The following KNOP1 variants were observed in gnomAD, a reference collection of about 807,000 sequenced individuals.
KNOP1 encodes the protein lysine-rich nucleolar protein 1.
Under a neutral mutation model 30.6 loss-of-function variants are expected in KNOP1, and 20 were observed. The observed-to-expected ratio is 0.65, with a 90% CI of 0.46 to 0.95. The LOEUF (loss-of-function observed/expected upper bound fraction) is 0.95, where lower values mean the gene tolerates loss of function less well. KNOP1 is among the 40% of genes least tolerant of loss of function. The pLI, the probability that KNOP1 is intolerant of heterozygous loss-of-function variation, is 0.00. For synonymous variants in KNOP1, 204 were observed against 210.0 expected (o/e 0.97, Z 0.25); for missense variants, 540 against 562.0 (o/e 0.96, Z 0.40).
Position 19,706,234 on chromosome 16 carries a change from C to G in KNOP1, c.*676G>C, listed in dbSNP as rs891822567. 2.6e-5 allele frequency: 4 copies of G among 152,618 alleles called. No homozygotes were observed. Among genetic ancestry groups the G allele is most frequent in the African/African-American group, 9.7e-5 (4 of 41,442 alleles). The allele number at this position is 152,618 out of a possible 1,614,324, so 9.5% of individuals were successfully genotyped here. The stretch of plus-strand genomic sequence containing the variant: ...CAGACTTGTCATAAAACTTTTTCCT[C>G]CATCTAAAGACATTTCAATCCCCAA... On this transcript the variant is annotated 3_prime_UTR_variant, in exon 5 of 5. Transcript: ENST00000219837.
intron 3 of KNOP1, 46 bp downstream of exon 3, chr16:19,711,326 G>A (rs1413067326): frequency 1.3e-6 from 2 of 1,586,904 alleles, no homozygotes; most frequent in Non-Finnish European, 8.6e-7. Context: ...GACTCCAAGG[G>A]TGGCAGGAGG....
intron 1 of KNOP1, chr16:19,717,513 G>A: frequency 2.0e-6 from 2 of 985,420 alleles, no homozygotes; most frequent in South Asian, 4.7e-5. Flanking sequence ...TCCACCGGGA[G>A]GTTGCGGGTC....
At position 19,714,163 on chromosome 16, in the gene KNOP1, CTTT is replaced by C. The variant is rs1403963557; in HGVS notation, c.870_872del (p.Lys293del). ...CTACCCCACTCTCTTTCCTCTTCTT[CTTT>C]TTCTTCCTTTTCAGAGCTGGCTCCT... On this transcript the variant is annotated inframe_deletion, in exon 2 of 5. Coordinates refer to ENST00000219837, the MANE Select transcript of KNOP1 (RefSeq NM_001012991.3). The C allele has an allele frequency of 2.0e-5, 33 of 1,613,346 alleles. No individual in the cohort carries two copies. Among genetic ancestry groups the C allele is most frequent in the Middle Eastern group, 1.6e-4 (1 of 6,078 alleles).
intron 4 of KNOP1, among the ~76,000 whole-genome samples, chr16:19,708,642 C>T (rs547634881): frequency 3.3e-5 from 5 of 152,180 alleles, no homozygotes; most frequent in South Asian, 2.1e-4. Context: ...GGGAACTTCC[C>T]GCCCACAAGC....
At position 19,705,096 on chromosome 16, in the gene KNOP1, C is replaced by T; in HGVS notation, c.*1814G>A. 2.2e-6 allele frequency: 1 copy of T among 444,590 alleles called. No homozygotes were observed. The highest frequency in any genetic ancestry group is 1.6e-5 in the South Asian group (1 of 63,012). 27.5% of individuals were successfully genotyped at this position (444,590 alleles called of 1,614,324 possible). Reference sequence around the variant, plus strand: ...TTCCTTGAGACACAAAAAGGCTTTTCTTCCTCTGGAATGTTCTAGGGTCTT... The same window carrying T: ...TTCCTTGAGACACAAAAAGGCTTTTTTTCCTCTGGAATGTTCTAGGGTCTT... On this transcript the variant is annotated 3_prime_UTR_variant, in exon 5 of 5. Transcript: ENST00000219837.
chr16:19,710,409 A>T, intron 4 of KNOP1, 100 bp downstream of exon 4: 1 of 1,173,152 alleles, frequency 8.5e-7, no homozygotes, highest in African/African-American at 1.5e-5. Context: ...GGGCCTGGAC[A>T]TACTTGGTTC....
At position 19,703,494 on chromosome 16, in the gene KNOP1, T is replaced by TA. The variant is rs1229661296; in HGVS notation, c.*3415_*3416insT. 30 of 152,160 alleles carry TA rather than the reference T, an allele frequency of 2.0e-4. No individual in the cohort carries two copies. The highest frequency in any genetic ancestry group is 1.8e-3 in the Admixed American group (27 of 15,274). 9.4% of individuals were successfully genotyped at this position (152,160 alleles called of 1,614,324 possible). On this transcript the variant is annotated 3_prime_UTR_variant, in exon 5 of 5. Coordinates refer to ENST00000219837, the MANE Select transcript of KNOP1 (RefSeq NM_001012991.3). Reference sequence around the variant, plus strand: ...CGTAACCTAACAAATACACAGGTTCTGAGGAGATGTGGTAGGAAGGGGTGT... The same window carrying TA: ...CGTAACCTAACAAATACACAGGTTCTAGAGGAGATGTGGTAGGAAGGGGTGT...
At position 19,718,214 on chromosome 16, in the gene KNOP1, G is replaced by C; in HGVS notation, c.-59C>G. The C allele has an allele frequency of 6.5e-7, 1 of 1,529,258 alleles. No individual in the cohort carries two copies. Among genetic ancestry groups the C allele is most frequent in the Non-Finnish European group, 8.8e-7 (1 of 1,141,246 alleles). The allele number at this position is 1,529,258 out of a possible 1,614,324, so 94.7% of individuals were successfully genotyped here. Reference sequence around the variant, plus strand: ...GAGCCAGCTCCGCCGTGACCCGGAAGTCCACTTCGAGTCGCCGGCCCACCC... The same window carrying C: ...GAGCCAGCTCCGCCGTGACCCGGAACTCCACTTCGAGTCGCCGGCCCACCC... On this transcript the variant is annotated 5_prime_UTR_variant, in exon 1 of 5. Transcript: ENST00000219837.
Position 19,714,990 on chromosome 16 carries a change from TC to T in KNOP1, c.45del (p.Lys17ArgfsTer16). 2 of 1,589,334 alleles carry T rather than the reference TC, an allele frequency of 1.3e-6. No homozygotes were observed. Among genetic ancestry groups the T allele is most frequent in the Non-Finnish European group, 1.7e-6 (2 of 1,172,500 alleles). On this transcript the variant is annotated frameshift_variant, in exon 2 of 5. Coordinates refer to ENST00000219837, the MANE Select transcript of KNOP1 (RefSeq NM_001012991.3). LOFTEE classifies it high-confidence loss of function. ...THKVDLGLPE[K>X]KKKKKVVKEP... is the part of the protein sequence containing the mutation. ...TCTTTGACCACTTTCTTCTTCTTTT[TC>T]TTCTCTGGGAGCCCAAGGTCTACTT...
Position 19,706,836 on chromosome 16 carries a change from A to T in KNOP1, c.*74T>A, listed in dbSNP as rs1039974827. 2.0e-6 allele frequency: 3 copies of T among 1,525,414 alleles called. No individual in the cohort carries two copies. Among genetic ancestry groups the T allele is most frequent in the Non-Finnish European group, 2.7e-6 (3 of 1,125,448 alleles). The allele number at this position is 1,525,414 out of a possible 1,614,324, so 94.5% of individuals were successfully genotyped here. A position where few individuals can be genotyped will look rare whatever the true frequency, so the allele number is the denominator to read the frequency against. ...CCAAGATCTGATTTTTTCACAAAAA[A>T]AATTTGTAATCTCCAGCATAAATGG... On this transcript the variant is annotated 3_prime_UTR_variant, in exon 5 of 5. Transcript: ENST00000219837.
Position 19,707,074 on chromosome 16 carries a change from C to T in KNOP1, c.1213G>A (p.Gly405Ser), listed in dbSNP as rs775965613. 72 of 1,614,052 alleles carry T rather than the reference C, an allele frequency of 4.5e-5. No individual in the cohort carries two copies. Among genetic ancestry groups the T allele is most frequent in the Non-Finnish European group, 5.8e-5 (68 of 1,180,038 alleles). ...TGCAGGCTGTCAGCCGCCTTCTTGCCGAGGGCCATGTTGGGCCTTGCAATC... is the reference window on the plus strand; with the variant it reads ...TGCAGGCTGTCAGCCGCCTTCTTGCTGAGGGCCATGTTGGGCCTTGCAATC... The part of the protein sequence containing the change: ...STIARPNMAL[G>S]KKAADSLQQN... The change falls in exon 5 of 5, where the codon GGC (glycine) becomes AGC (serine). Residue 405 changes from glycine (G) to serine (S), a missense_variant. Coordinates refer to ENST00000219837, the MANE Select transcript of KNOP1 (RefSeq NM_001012991.3).
intron 2 of KNOP1, among the ~76,000 whole-genome samples, chr16:19,713,871 A>G (rs1405885238): frequency 6.6e-6 from 1 of 152,122 alleles, no homozygotes; most frequent in Non-Finnish European, 1.5e-5. Flanking sequence ...AGCAAAGGAT[A>G]CCTGCAATTA....
rs752573375 is a variant in KNOP1, at chr16:19,707,120, C to G, written c.1167G>C (p.Ser389=). The change falls in exon 5 of 5, where the codon TCG becomes TCC. Residue 389 remains serine, a synonymous_variant. Coordinates refer to ENST00000219837, the MANE Select transcript of KNOP1 (RefSeq NM_001012991.3). ...CAATCGTGCTGGCGGGGCGGCTGAACGAAGGGGACAGGTTTTTGAAGCCAC... is the reference window on the plus strand; with the variant it reads ...CAATCGTGCTGGCGGGGCGGCTGAAGGAAGGGGACAGGTTTTTGAAGCCAC... ...LMGGFKNLSP[S]FSRPASTIAR... The G allele has an allele frequency of 6.2e-7, 1 of 1,614,018 alleles. No homozygotes were observed. Among genetic ancestry groups the G allele is most frequent in the Non-Finnish European group, 8.5e-7 (1 of 1,179,994 alleles).
intron 3 of KNOP1, among the ~76,000 whole-genome samples, chr16:19,711,045 G>A (rs1233850134): frequency 2.6e-5 from 4 of 152,204 alleles, no homozygotes; most frequent in Non-Finnish European, 4.4e-5. Context: ...AAATGCTCCT[G>A]AATTAGCCCA....
intron 4 of KNOP1, among the ~76,000 whole-genome samples, chr16:19,709,146 C>T (rs1345057726): frequency 1.3e-5 from 2 of 152,170 alleles, no homozygotes; most frequent in Admixed American, 1.3e-4. Context: ...ATAACAAAGC[C>T]CCACTCCATA....
In KNOP1 at chr16:19,704,832, T is replaced by C. The variant is rs1976296837; in HGVS notation, c.*2078A>G. On this transcript the variant is annotated 3_prime_UTR_variant, in exon 5 of 5. Coordinates refer to ENST00000219837, the MANE Select transcript of KNOP1 (RefSeq NM_001012991.3). Reference sequence around the variant, plus strand: ...GAGGGAAGTGGCCCAAGTAGGTCCTTGTAGCACATACTTGTCCAACTATTG... The same window carrying C: ...GAGGGAAGTGGCCCAAGTAGGTCCTCGTAGCACATACTTGTCCAACTATTG... The C allele has an allele frequency of 1.4e-5, 3 of 207,666 alleles. No homozygotes were observed. The Admixed American group carries it at 1.7e-4, about 12-fold the overall frequency. 12.9% of individuals were successfully genotyped at this position (207,666 alleles called of 1,614,324 possible).
Position 19,705,539 on chromosome 16 carries a change from A to C in KNOP1, c.*1371T>G. The C allele has an allele frequency of 3.6e-6, 1 of 281,438 alleles. No individual in the cohort carries two copies. The highest frequency in any genetic ancestry group is 7.0e-6 in the Non-Finnish European group (1 of 142,854). 17.4% of individuals were successfully genotyped at this position (281,438 alleles called of 1,614,324 possible). ...CACGTTCATCTCCTCCTGGCATTCA[A>C]TATCCACCTACAGAAGTCACCTGGG... On this transcript the variant is annotated 3_prime_UTR_variant, in exon 5 of 5. Transcript: ENST00000219837.
Position 19,714,741 on chromosome 16 carries a change from G to A in KNOP1, c.295C>T (p.Leu99Phe). 6.2e-7 allele frequency: 1 copy of A among 1,614,152 alleles called. No homozygotes were observed. Among genetic ancestry groups the A allele is most frequent in the Non-Finnish European group, 8.5e-7 (1 of 1,180,040 alleles). Residue 99 changes from leucine to phenylalanine, a missense_variant, in exon 2 of 5, where the codon CTC (leucine) becomes TTC (phenylalanine). Transcript: ENST00000219837. ...AAGTGGCCAAACACCTGCTTCCTGA[G>A]GCTGGGTGACTTCTCTGTCCGTCTA... The part of the protein sequence containing the change: ...PARRTEKSPS[L>F]RKQVFGHLEF...
At position 19,714,742 on chromosome 16, in the gene KNOP1, G is replaced by A; in HGVS notation, c.294C>T (p.Ser98=). 6.2e-7 allele frequency: 1 copy of A among 1,614,130 alleles called. No homozygotes were observed. The highest frequency in any genetic ancestry group is 1.6e-4 in the Middle Eastern group (1 of 6,062). The change falls in exon 2 of 5, where the codon AGC becomes AGT. Residue 98 remains serine (S), a synonymous_variant. Coordinates refer to ENST00000219837, the MANE Select transcript of KNOP1 (RefSeq NM_001012991.3). ...LPARRTEKSP[S]LRKQVFGHLE... ...AGTGGCCAAACACCTGCTTCCTGAG[G>A]CTGGGTGACTTCTCTGTCCGTCTAG...
Sources: allele counts gnomAD v4.1 joint callset (sites outside exome capture counted in the v4.1 genomes callset), GRCh38; gene constraint gnomAD v4.1.1; transcripts MANE v1.5; gene names NCBI Gene and HGNC (gene_info 2026-07-23, HGNC 2026-07-21).